The following THADA variants were observed in gnomAD, a reference collection of about 807,000 sequenced individuals.
THADA encodes tRNA (32-2'-O)-methyltransferase regulator THADA.
THADA carries 213 observed loss-of-function variants against 219.8 expected under a neutral mutation model. The ratio of observed to expected loss-of-function variants is 0.97; its 90% CI spans 0.87 to 1.09. The LOEUF is 1.09. Ranked by LOEUF, THADA falls within the 50% of genes least tolerant of loss-of-function variation. The probability of loss-of-function intolerance (pLI) is 0.00; values close to 1 mark genes in which losing one functional copy is unlikely to be tolerated. For synonymous variants in THADA, 1,018 were observed against 828.9 expected, an observed-to-expected ratio of 1.23 and a Z score of -3.92; for missense variants, 2,956 against 2,311.3, an observed-to-expected ratio of 1.28 and a Z score of -5.72.
Position 43,279,776 on chromosome 2 carries a change from C to A in THADA, c.5285G>T (p.Cys1762Phe). ...TAAGAACGAGGTACCTGTTGACTGG[C>A]AGGTATTTTCTTGTGACATGGCAGT... ...VTTAMSQENT[C>F]QSTEFAFCQV... The change falls in exon 36 of 38, where the codon TGC (cysteine) becomes TTC (phenylalanine). Residue 1762 changes from cysteine to phenylalanine, a missense_variant. Physicochemically the swap from Cys to Phe is radical, Grantham distance 205. Coordinates refer to ENST00000405975, the MANE Select transcript of THADA (RefSeq NM_022065.5). 4 of 1,548,830 alleles carry A rather than the reference C, an allele frequency of 2.6e-6. No individual in the cohort carries two copies. Among genetic ancestry groups the A allele is most frequent in the Non-Finnish European group, 3.5e-6 (4 of 1,146,110 alleles).
At chr2:43,490,269 T>C (rs1687464598) in intron 25 of THADA, among the ~76,000 whole-genome samples, 1 of 152,190 alleles carries the variant, frequency 6.6e-6, no homozygotes, top group Non-Finnish European at 1.5e-5. Flanking sequence ...ATATTTAAGA[T>C]CATGTCATCA....
intron 7 of THADA, among the ~76,000 whole-genome samples, chr2:43,584,854 T>C (rs559022882): frequency 6.6e-6 from 1 of 152,256 alleles, no homozygotes; most frequent in South Asian, 2.1e-4. Flanking sequence ...AGACAACTTG[T>C]TTATCTTTAG....
intron 36 of THADA, among the ~76,000 whole-genome samples, chr2:43,271,807 G>A (rs1230699146): frequency 6.6e-6 from 1 of 151,858 alleles, no homozygotes; most frequent in Non-Finnish European, 1.5e-5. Context: ...TAGAGAAGGG[G>A]TTTCACCATG....
chr2:43,419,245 A>G (rs569909576), intron 28 of THADA, among the ~76,000 whole-genome samples: 52 of 152,332 alleles, frequency 3.4e-4, no homozygotes, highest in African/African-American at 1.2e-3. Context: ...ATAAAGAGAC[A>G]GAGAAGAATA....
In THADA at chr2:43,247,691, C is replaced by T. The variant is rs12618145; in HGVS notation, c.5297-14809G>A. ...TTGCAGTGAGCTGAGATCGCGCCAC[C>T]GCACTCCAGACTGGCGACAGAGCAA... On this transcript the variant is annotated intron_variant, in intron 36 of 37. Transcript: ENST00000405975. 6.8e-4 allele frequency among the ~76,000 whole-genome samples: 98 copies of T among 144,722 alleles called. 1 individual carries two copies. In the East Asian group the frequency reaches 0.017, roughly 25 times the overall value. 94.9% of individuals were successfully genotyped at this position (144,722 alleles called of 152,430 possible).
chr2:43,344,662 A>G (rs1017222447), intron 29 of THADA, among the ~76,000 whole-genome samples: 1 of 152,238 alleles, frequency 6.6e-6, no homozygotes, highest in East Asian at 1.9e-4. Flanking sequence ...ACTGGTTTAC[A>G]TGTCTGAGTT....
In THADA at chr2:43,538,115, A is replaced by T. The variant is rs151155278; in HGVS notation, c.3264+3044T>A. 1.2e-4 allele frequency among the ~76,000 whole-genome samples: 18 copies of T among 152,298 alleles called. No individual in the cohort carries two copies. In the East Asian group the frequency reaches 3.5e-3, roughly 29 times the overall value. ...ATATTAGGGAAATACATATAAACTT[A>T]AGTTCATATAGTACTCCAGGTGGAG... On this transcript the variant is annotated intron_variant, in intron 21 of 37. Transcript: ENST00000405975.
At chr2:43,252,502 T>C (rs945401963) in intron 36 of THADA, among the ~76,000 whole-genome samples, 9 of 152,186 alleles carry the variant, frequency 5.9e-5, no homozygotes, top group African/African-American at 1.9e-4. Flanking sequence ...AGTTTAGGAT[T>C]TGGGATTTAA....
At chr2:43,360,818 T>C (rs1669427377) in intron 29 of THADA, among the ~76,000 whole-genome samples, 1 of 152,194 alleles carries the variant, frequency 6.6e-6, no homozygotes, top group South Asian at 2.1e-4. Flanking sequence ...AGAAGTCCTT[T>C]TAGCCAATTA....
chr2:43,518,752 C>T (rs1558898862), intron 22 of THADA, among the ~76,000 whole-genome samples: 1 of 152,110 alleles, frequency 6.6e-6, no homozygotes. Flanking sequence ...CCCATAGCTT[C>T]ATCTATTTCC....
chr2:43,562,837 GT>G (rs1347182192), intron 15 of THADA: 1 of 152,064 alleles, frequency 6.6e-6, no homozygotes, highest in Admixed American at 6.6e-5. Flanking sequence ...TTTCATGTAG[GT>G]TATCTAACTT....
chr2:43,509,756 A>C (rs1157726320), intron 22 of THADA, among the ~76,000 whole-genome samples: 1 of 152,236 alleles, frequency 6.6e-6, no homozygotes, highest in Non-Finnish European at 1.5e-5. Context: ...CAAAATATAT[A>C]AATAAGACTA....
At chr2:43,537,869 G>T (rs1694801597) in intron 21 of THADA, among the ~76,000 whole-genome samples, 2 of 151,420 alleles carry the variant, frequency 1.3e-5, no homozygotes, top group South Asian at 2.1e-4. Context: ...AAGCCCAGGA[G>T]GTTGAGGCTG....
At chr2:43,590,644 C>CAA (rs768406325) in intron 4 of THADA, among the ~76,000 whole-genome samples, 180 bp downstream of exon 4, 134 of 58,114 alleles carry the variant, frequency 2.3e-3, no homozygotes, top group Middle Eastern at 0.015. Flanking sequence ...GACTCCGTCT[C>CAA]AAAAAAAAAA....
rs747963720 is a variant in THADA at position 43,287,052 on chromosome 2, A to G, written c.5020T>C (p.Leu1674=). 2 of 1,612,726 alleles carry G rather than the reference A, an allele frequency of 1.2e-6. No individual in the cohort carries two copies. The highest frequency in any genetic ancestry group is 8.5e-7 in the Non-Finnish European group (1 of 1,179,084). The change falls in exon 35 of 38, where the codon TTG becomes CTG. Residue 1674 remains leucine, a synonymous_variant. Coordinates refer to ENST00000405975, the MANE Select transcript of THADA (RefSeq NM_022065.5). ...CACTGCTTCAGCTCAGCAGCTATCA[A>G]TTCCCTGTTCTAAAAGCACAAAATG... The part of the protein sequence containing the change: ...HMQTCVENRE[L]IAAELKQWVQ...
intron 37 of THADA, 103 bp downstream of exon 37, chr2:43,232,608 CTG>C: frequency 7.9e-7 from 1 of 1,262,752 alleles, no homozygotes; most frequent in East Asian, 2.5e-5. Flanking sequence ...GGTTCCTGCT[CTG>C]TGTCTAAGCA....
chr2:43,506,928 C>A (rs1689747211), intron 23 of THADA, among the ~76,000 whole-genome samples: 1 of 152,116 alleles, frequency 6.6e-6, no homozygotes, highest in African/African-American at 2.4e-5. Context: ...GAAGAAATTT[C>A]TCATAGTTTA....
intron 20 of THADA, among the ~76,000 whole-genome samples, chr2:43,543,873 T>G (rs1489483005): frequency 6.6e-6 from 1 of 151,810 alleles, no homozygotes; most frequent in East Asian, 1.9e-4. Flanking sequence ...CTCTTTAGTT[T>G]AATTAGATCC....
chr2:43,514,706 A>AT (rs1553470503), intron 22 of THADA, among the ~76,000 whole-genome samples: 22 of 73,524 alleles, frequency 3.0e-4, no homozygotes, highest in African/African-American at 8.0e-4. Context: ...TATATAATAT[A>AT]TATATAAATA....
Sources: allele counts gnomAD v4.1 joint callset (sites outside exome capture counted in the v4.1 genomes callset), GRCh38; gene constraint gnomAD v4.1.1; transcripts MANE v1.5; gene names NCBI Gene and HGNC (gene_info 2026-07-23, HGNC 2026-07-21).